The following ABAT variants were observed in gnomAD, a reference collection of about 807,000 sequenced individuals.
ABAT encodes the protein 4-aminobutyrate aminotransferase, also known as 4-aminobutyrate aminotransferase, mitochondrial.
In ABAT, 45 loss-of-function variants were observed where a neutral mutation model predicts 64.6. That is an observed-to-expected ratio of 0.70 (90% CI 0.55 to 0.89). The LOEUF (loss-of-function observed/expected upper bound fraction) is 0.89, where lower values mean the gene tolerates loss of function less well. Ranked by LOEUF, ABAT falls within the 40% of genes least tolerant of loss-of-function variation. The pLI is 0.00. For missense variants in ABAT, 633 were observed against 658.4 expected (o/e 0.96, Z 0.42); for synonymous variants, 297 against 250.5 (o/e 1.19, Z -1.75).
At chr16:8,774,002 C>T (rs1398024410) in intron 12 of ABAT, among the ~76,000 whole-genome samples, 1 of 152,166 alleles carries the variant, frequency 6.6e-6, no homozygotes, top group Non-Finnish European at 1.5e-5. Context: ...GATCTTGGCT[C>T]ACTGTAACCT....
chr16:8,768,757 C>G (rs565133676), intron 10 of ABAT, 68 bp from the exon 11 acceptor site: 2 of 1,608,286 alleles, frequency 1.2e-6, no homozygotes, highest in Non-Finnish European at 1.7e-6. Flanking sequence ...TCTATCATCT[C>G]CTTTACAAAG....
intron 1 of ABAT, among the ~76,000 whole-genome samples, chr16:8,698,182 C>G (rs1242638481): frequency 6.6e-6 from 1 of 152,186 alleles, no homozygotes; most frequent in Non-Finnish European, 1.5e-5. Flanking sequence ...CTCTAGGGTT[C>G]CAACTTTGCC....
chr16:8,768,359 T>A, intron 10 of ABAT, 103 bp downstream of exon 10: 2 of 1,075,488 alleles, frequency 1.9e-6, no homozygotes, highest in South Asian at 2.6e-5. Context: ...ATTGTCCCAC[T>A]GATTGCACAC....
rs370240387 is a variant in ABAT, at chr16:8,755,638, C to T, written c.317-2119C>T. 2.8e-4 allele frequency among the ~76,000 whole-genome samples: 42 copies of T among 152,188 alleles called. 1 individual carries two copies. Among genetic ancestry groups the T allele is most frequent in the Middle Eastern group, 3.4e-3 (1 of 294 alleles). ...CAATGGCTTGACTTCAGGCCGGGTT[C>T]GGTGGCTCACACCTGTAATCCTAGC... On this transcript the variant is annotated intron_variant, in intron 5 of 15. Transcript: ENST00000268251.
chr16:8,737,991 G>GAAAAAGAAAGAAAGACAGAAAGAAAGAAA (rs55862439), intron 2 of ABAT, among the ~76,000 whole-genome samples: 1 of 14,952 alleles, frequency 6.7e-5, no homozygotes, highest in Non-Finnish European at 1.2e-4. Context: ...GAAGGAAGGA[G>GAAAAAGAAAGAAAGACAGAAAGAAAGAAA]GAAAGAAAGA....
At chr16:8,738,046 G>A (rs1037516786) in intron 2 of ABAT, among the ~76,000 whole-genome samples, 3 of 139,128 alleles carry the variant, frequency 2.2e-5, no homozygotes, top group Admixed American at 1.5e-4. Context: ...AGACAGACAA[G>A]ACAGTGGCTC....
chr16:8,735,845 A>C, intron 2 of ABAT, 36 bp downstream of exon 2: 1 of 1,547,618 alleles, frequency 6.5e-7, no homozygotes, highest in Non-Finnish European at 8.8e-7. Flanking sequence ...ACTGGTACTA[A>C]TGGAAGATAC....
chr16:8,756,462 C>T (rs1166211019), intron 5 of ABAT, among the ~76,000 whole-genome samples: 2 of 151,860 alleles, frequency 1.3e-5, no homozygotes, highest in East Asian at 3.9e-4. Context: ...CGGTTTGTTA[C>T]ATAGGTAAAC....
intron 8 of ABAT, among the ~76,000 whole-genome samples, chr16:8,765,347 AAG>A (rs1364545327): frequency 1.3e-5 from 2 of 150,670 alleles, no homozygotes; most frequent in Non-Finnish European, 3.0e-5. Context: ...AAAAAAAAAA[AAG>A]AAGAAGAAAA....
chr16:8,686,166 G>A (rs530344822), intron 1 of ABAT, among the ~76,000 whole-genome samples: 1 of 152,252 alleles, frequency 6.6e-6, no homozygotes, highest in South Asian at 2.1e-4. Flanking sequence ...TCTGCCCAGA[G>A]CTGTAAATAG....
chr16:8,688,344 T>A (rs1260086402), intron 1 of ABAT, among the ~76,000 whole-genome samples: 1 of 152,178 alleles, frequency 6.6e-6, no homozygotes, highest in Non-Finnish European at 1.5e-5. Flanking sequence ...GAAACAGGAC[T>A]TGAACTAGGA....
At chr16:8,715,633 T>TAAAAAAAAAAAAAAAAAAAAA (rs61191788) in intron 1 of ABAT, 1 of 81,530 alleles carries the variant, frequency 1.2e-5, no homozygotes, top group African/African-American at 4.8e-5. Flanking sequence ...ACCCTGTCTC[T>TAAAAAAAAAAAAAAAAAAAAA]AAAAAAAAAA....
intron 2 of ABAT, chr16:8,736,755 A>G (rs1488013255): frequency 6.6e-6 from 1 of 152,162 alleles, no homozygotes; most frequent in Non-Finnish European, 1.5e-5. Flanking sequence ...AGGTGAGAGA[A>G]CTCAGGCTTA....
At chr16:8,753,605 G>C (rs943468073) in intron 5 of ABAT, among the ~76,000 whole-genome samples, 1 of 152,222 alleles carries the variant, frequency 6.6e-6, no homozygotes, top group African/African-American at 2.4e-5. Flanking sequence ...GCTCTCCAAA[G>C]GCAGAAAAGT....
chr16:8,701,118 A>G (rs1044277618), intron 1 of ABAT, among the ~76,000 whole-genome samples: 3 of 152,040 alleles, frequency 2.0e-5, no homozygotes, highest in Non-Finnish European at 4.4e-5. Flanking sequence ...TTGTATTTTT[A>G]GTAGAGACGG....
chr16:8,693,144 A>C (rs2057624314), intron 1 of ABAT, among the ~76,000 whole-genome samples: 1 of 152,096 alleles, frequency 6.6e-6, no homozygotes, highest in South Asian at 2.1e-4. Context: ...CTTGAGCCAC[A>C]ATGCCCAGCC....
At chr16:8,727,686 T>C (rs2058598183) in intron 1 of ABAT, among the ~76,000 whole-genome samples, 1 of 152,218 alleles carries the variant, frequency 6.6e-6, no homozygotes, top group Admixed American at 6.5e-5. Context: ...CATTAAATTC[T>C]TCCATTTTCT....
At chr16:8,773,734 T>C (rs2060189083) in intron 12 of ABAT, among the ~76,000 whole-genome samples, 2 of 152,220 alleles carry the variant, frequency 1.3e-5, no homozygotes, top group Non-Finnish European at 2.9e-5. Flanking sequence ...CAGCCTCTGA[T>C]AGGCGTCATT....
At chr16:8,774,209 G>C (rs959776379) in intron 12 of ABAT, among the ~76,000 whole-genome samples, 2 of 152,198 alleles carry the variant, frequency 1.3e-5, no homozygotes, top group African/African-American at 4.8e-5. Flanking sequence ...TGGAATTACA[G>C]GTGAGAGCCA....
Sources: gnomAD v4.1 joint callset for allele counts (sites outside exome capture counted in the v4.1 genomes callset) on GRCh38, gnomAD v4.1.1 for gene constraint, MANE v1.5 for transcripts, NCBI Gene and HGNC (gene_info 2026-07-23, HGNC 2026-07-21) for gene names.